Variants in ATF7IP2 observed in about 807,000 individuals in gnomAD.
The protein encoded by ATF7IP2 is activating transcription factor 7 interacting protein 2.
In ATF7IP2, 42 loss-of-function variants were observed where a neutral mutation model predicts 64.2. The ratio of observed to expected loss-of-function variants is 0.65; its 90% CI spans 0.51 to 0.85. ATF7IP2 has a LOEUF of 0.85. Among genes scored for constraint, ATF7IP2 ranks in the 40% least tolerant of loss-of-function variants. ATF7IP2 has a pLI of 0.00. For synonymous variants in ATF7IP2, 308 were observed against 272.8 expected (o/e 1.13, Z -1.27); for missense variants, 933 against 784.2 (o/e 1.19, Z -2.27).
At chr16:10,471,956 G>C (rs2049815793) in intron 9 of ATF7IP2, 154 bp from the exon 10 acceptor site, 1 of 434,844 alleles carries the variant, frequency 2.3e-6, no homozygotes. Context: ...GAGTTTTTTT[G>C]GGTATTTGGT....
chr16:10,482,601 G>A lies in ATF7IP2; in HGVS notation c.*352G>A, dbSNP rs1051321191. The stretch of plus-strand genomic sequence containing the variant: ...AACAATCAGCTTTTAGTAACCTGCT[G>A]TGGTCAGCATAGCTACAGGAAAAGT... On this transcript the variant is annotated 3_prime_UTR_variant, in exon 14 of 14. Transcript: ENST00000562102. 6.3e-5 allele frequency: 11 copies of A among 175,278 alleles called. No individual in the cohort carries two copies. The highest frequency in any genetic ancestry group is 1.7e-4 in the African/African-American group (7 of 41,812). The allele number at this position is 175,278 out of a possible 1,614,324, so 10.9% of individuals were successfully genotyped here.
chr16:10,423,176 G>A (rs889879365), intron 3 of ATF7IP2, among the ~76,000 whole-genome samples: 8 of 152,102 alleles, frequency 5.3e-5, no homozygotes, highest in Admixed American at 3.3e-4. Flanking sequence ...CCTGGGAGGC[G>A]GAGCTGGCAG....
intron 3 of ATF7IP2, among the ~76,000 whole-genome samples, chr16:10,425,351 C>G (rs143561645): frequency 6.6e-6 from 1 of 151,152 alleles, no homozygotes; most frequent in East Asian, 1.9e-4. Context: ...ATTACACAGG[C>G]GTGAGCCACT....
intron 1 of ATF7IP2, among the ~76,000 whole-genome samples, chr16:10,399,901 C>A (rs898346986): frequency 2.6e-5 from 4 of 152,094 alleles, no homozygotes; most frequent in Non-Finnish European, 4.4e-5. Context: ...AGGTCTTTGA[C>A]CTCCTTGGTT....
chr16:10,433,646 A>C lies in ATF7IP2; in HGVS notation c.957A>C (p.Glu319Asp). ...TGGAAAGGCAAACAGCATTCCTGGA[A>C]CAGGTAAAATATTGGGGCTTAAATG... The part of the protein sequence containing the change: ...VSLERQTAFL[E>D]QVRHLIQQEI... Residue 319 changes from glutamate (E) to aspartate (D), a missense_variant, in exon 6 of 14, where the codon GAA becomes GAC. By Grantham distance (45) the Glu-to-Asp change is conservative. Coordinates refer to ENST00000562102, the MANE Select transcript of ATF7IP2 (RefSeq NM_001393719.1). The C allele has an allele frequency of 1.9e-6, 3 of 1,613,286 alleles. No individual in the cohort carries two copies. In the South Asian group the frequency reaches 3.3e-5, roughly 18 times the overall value.
intron 1 of ATF7IP2, among the ~76,000 whole-genome samples, chr16:10,407,048 C>T (rs2047655160): frequency 6.6e-6 from 1 of 152,094 alleles, no homozygotes; most frequent in African/African-American, 2.4e-5. Context: ...TTAATCATGA[C>T]TAAGTAGGAT....
intron 1 of ATF7IP2, among the ~76,000 whole-genome samples, chr16:10,409,255 T>G (rs1254993973): frequency 1.3e-5 from 2 of 152,012 alleles, no homozygotes; most frequent in Non-Finnish European, 2.9e-5. Flanking sequence ...GGGTGCAGAG[T>G]TAGCAACCAA....
At position 10,460,211 on chromosome 16, in the gene ATF7IP2, G is replaced by C. The variant is rs148751258; in HGVS notation, c.1352+2682G>C. 1.9e-3 allele frequency among the ~76,000 whole-genome samples: 293 copies of C among 152,018 alleles called. 1 individual carries two copies. The highest frequency in any genetic ancestry group is 6.7e-3 in the African/African-American group (279 of 41,488). On this transcript the variant is annotated intron_variant, in intron 9 of 13. Coordinates refer to ENST00000562102, the MANE Select transcript of ATF7IP2 (RefSeq NM_001393719.1). ...AGCCCCAAAACATATCAAGTACCTA[G>C]GAATACATTTAATAAGAGAAACAAT...
In ATF7IP2 at chr16:10,409,825, T is replaced by A. The variant is rs1039460756; in HGVS notation, c.-241-4749T>A. Among the ~76,000 whole-genome samples, 4 of 152,344 alleles carry A rather than the reference T, an allele frequency of 2.6e-5. No individual in the cohort carries two copies. The East Asian group carries it at 7.7e-4, about 29-fold the overall frequency. ...TGCCAGTTATCCCAACACCATGTGT[T>A]GAATAGAGTGCCCTTTCCCCACTTT... On this transcript the variant is annotated intron_variant, in intron 1 of 13. Transcript: ENST00000562102.
At chr16:10,476,175 A>C (rs919931653) in intron 12 of ATF7IP2, among the ~76,000 whole-genome samples, 1 of 152,260 alleles carries the variant, frequency 6.6e-6, no homozygotes, top group African/African-American at 2.4e-5. Flanking sequence ...AAGCTAGTAC[A>C]AAATAGCTGA....
chr16:10,466,755 C>G (rs2049589035), intron 9 of ATF7IP2, among the ~76,000 whole-genome samples: 1 of 151,924 alleles, frequency 6.6e-6, no homozygotes. Flanking sequence ...CTAATGGTGT[C>G]TTTATATGAA....
At chr16:10,437,568 T>A (rs539515685) in intron 6 of ATF7IP2, among the ~76,000 whole-genome samples, 1 of 152,216 alleles carries the variant, frequency 6.6e-6, no homozygotes, top group Non-Finnish European at 1.5e-5. Context: ...TATTATCTAC[T>A]CATTTGTCAA....
intron 6 of ATF7IP2, among the ~76,000 whole-genome samples, chr16:10,437,460 C>A (rs2048460358): frequency 6.6e-6 from 1 of 152,188 alleles, no homozygotes; most frequent in Non-Finnish European, 1.5e-5. Flanking sequence ...TTACTTCTTT[C>A]ATATCAATTC....
intron 9 of ATF7IP2, among the ~76,000 whole-genome samples, chr16:10,459,191 C>T (rs1181381851): frequency 5.4e-5 from 8 of 148,318 alleles, no homozygotes; most frequent in East Asian, 2.0e-4. Context: ...AAATTAGGCC[C>T]GGTGCGGTGG....
chr16:10,452,487 A>G (rs1243220035), intron 8 of ATF7IP2, among the ~76,000 whole-genome samples: 4 of 152,158 alleles, frequency 2.6e-5, no homozygotes, highest in Non-Finnish European at 5.9e-5. Flanking sequence ...GCTTCATCCC[A>G]GAGGGGCACT....
chr16:10,474,281 T>C (rs2049922392), intron 12 of ATF7IP2, among the ~76,000 whole-genome samples: 1 of 152,198 alleles, frequency 6.6e-6, no homozygotes, highest in Non-Finnish European at 1.5e-5. Context: ...GATAATGCAG[T>C]ATGTGTCCTT....
At chr16:10,417,805 T>C (rs933218131) in intron 2 of ATF7IP2, among the ~76,000 whole-genome samples, 1 of 152,232 alleles carries the variant, frequency 6.6e-6, no homozygotes, top group Non-Finnish European at 1.5e-5. Context: ...CAAGATAATG[T>C]GGTACAGACC....
At chr16:10,436,547 TG>T (rs1369562944) in intron 6 of ATF7IP2, among the ~76,000 whole-genome samples, 1 of 151,830 alleles carries the variant, frequency 6.6e-6, no homozygotes, top group African/African-American at 2.4e-5. Context: ...TGTTGAAGAG[TG>T]AGAACACTTG....
At chr16:10,403,325 A>T (rs1003991669) in intron 1 of ATF7IP2, among the ~76,000 whole-genome samples, 1 of 152,146 alleles carries the variant, frequency 6.6e-6, no homozygotes, top group African/African-American at 2.4e-5. Context: ...GAACCTGCTC[A>T]CCTACCTGGC....
Sources: allele counts gnomAD v4.1 joint callset (sites outside exome capture counted in the v4.1 genomes callset), GRCh38; gene constraint gnomAD v4.1.1; transcripts MANE v1.5; gene names NCBI Gene and HGNC (gene_info 2026-07-23, HGNC 2026-07-21).